TEKT5: variants seen among roughly 807,000 people sequenced by gnomAD.
The protein encoded by TEKT5 is tektin 5, also known as tektin-5.
Under a neutral mutation model 48.7 loss-of-function variants are expected in TEKT5, and 52 were observed. That is an observed-to-expected ratio of 1.07 (90% CI 0.86 to 1.35). The LOEUF (loss-of-function observed/expected upper bound fraction) is 1.35. Among genes scored for constraint, TEKT5 ranks in the 40% most tolerant of loss-of-function variants. The pLI, the probability that TEKT5 is intolerant of heterozygous loss-of-function variation, is 0.00. For missense variants in TEKT5, 831 were observed against 641.6 expected (o/e 1.30, Z -3.19); for synonymous variants, 318 against 267.6 (o/e 1.19, Z -1.84).
rs75363990 is a variant in TEKT5, at chr16:10,689,566, C to A, written c.649-243G>T. Among the ~76,000 whole-genome samples, 2,150 of 146,362 alleles carry A rather than the reference C, an allele frequency of 0.015. 122 individuals carry two copies. The East Asian group carries it at 0.17, about 11-fold the overall frequency. On this transcript the variant is annotated intron_variant, in intron 2 of 6. Transcript: ENST00000283025. ...TTGCCCTACTTTCTTTTTATAGACT[C>A]CCAGAATAAAAGAAAATTTAGCACC...
chr16:10,690,746 C>T (rs1335041624), intron 1 of TEKT5: 1 of 985,242 alleles, frequency 1.0e-6, no homozygotes, highest in African/African-American at 1.7e-5. Context: ...GGACAAGGGG[C>T]TTTTCAGGGG....
chr16:10,646,183 T>A (rs1371248235), intron 5 of TEKT5, among the ~76,000 whole-genome samples: 2 of 152,064 alleles, frequency 1.3e-5, no homozygotes, highest in African/African-American at 4.8e-5. Flanking sequence ...TAAATGGACA[T>A]CCTGTATTTG....
chr16:10,681,353 G>T (rs12445834), intron 4 of TEKT5, among the ~76,000 whole-genome samples: 33,750 of 151,110 alleles, frequency 0.22, 4,561 homozygotes, highest in East Asian at 0.55. Context: ...AAGCCACGTA[G>T]CCTGGCTCCA....
chr16:10,657,363 G>A (rs914206274), intron 5 of TEKT5, among the ~76,000 whole-genome samples: 1 of 151,666 alleles, frequency 6.6e-6, no homozygotes, highest in African/African-American at 2.4e-5. Flanking sequence ...CCCGACCTCA[G>A]GTGATGCACC....
intron 3 of TEKT5, 32 bp from the exon 4 acceptor site, chr16:10,682,168 TGCACCTGCAC>T: frequency 6.2e-7 from 1 of 1,607,356 alleles, no homozygotes; most frequent in African/African-American, 1.3e-5. Context: ...TCCTGGACTA[TGCACCTGCAC>T]AGAGTACCCA....
intron 6 of TEKT5, among the ~76,000 whole-genome samples, chr16:10,631,323 T>G: frequency 8.2e-6 from 1 of 121,898 alleles, no homozygotes; most frequent in Non-Finnish European, 1.6e-5. Context: ...GGCTTGGGTT[T>G]GTTCTCAGTG....
intron 1 of TEKT5, 187 bp from the exon 2 acceptor site, chr16:10,690,212 G>T (rs763283469): frequency 1.7e-6 from 1 of 605,732 alleles, no homozygotes; most frequent in Non-Finnish European, 2.9e-6. Context: ...AGAGCTGTGG[G>T]TTGTCATATG....
At chr16:10,691,047 A>C (rs929266961) in intron 1 of TEKT5, among the ~76,000 whole-genome samples, 1 of 152,214 alleles carries the variant, frequency 6.6e-6, no homozygotes, top group Non-Finnish European at 1.5e-5. Flanking sequence ...CACCCATAAG[A>C]AACTCAGTCA....
intron 4 of TEKT5, among the ~76,000 whole-genome samples, chr16:10,676,604 A>T (rs745398688): frequency 6.6e-6 from 1 of 152,134 alleles, no homozygotes; most frequent in Non-Finnish European, 1.5e-5. Flanking sequence ...CACCACCAGA[A>T]ACACAACGTG....
chr16:10,683,280 G>C (rs1463242917), intron 3 of TEKT5, among the ~76,000 whole-genome samples: 1 of 152,204 alleles, frequency 6.6e-6, no homozygotes, highest in Non-Finnish European at 1.5e-5. Flanking sequence ...TCAGGAACTG[G>C]GTGGAGTCAG....
At chr16:10,635,739 G>A (rs1897902353) in intron 6 of TEKT5, 25 bp downstream of exon 6, 2 of 1,600,122 alleles carry the variant, frequency 1.2e-6, no homozygotes, top group Non-Finnish European at 1.7e-6. Context: ...GGGTTCTCCT[G>A]CCTCCTCTGG....
rs201071864 is a variant in TEKT5, at chr16:10,682,076, C to T, written c.780G>A (p.Gln260=). Residue 260 remains glutamine, a synonymous_variant, in exon 4 of 7, where the codon CAG becomes CAA. Transcript: ENST00000283025. ...ERDLEDKSSA[Q]CIDEKCFNLR... is the part of the protein sequence containing the mutation. Reference sequence around the variant, plus strand: ...GGTTAAAGCACTTCTCATCGATACACTGGGCCGAGCTTTTGTCTTCGAGGT... The same window carrying T: ...GGTTAAAGCACTTCTCATCGATACATTGGGCCGAGCTTTTGTCTTCGAGGT... 2.1e-4 allele frequency: 336 copies of T among 1,614,100 alleles called. No homozygotes were observed. Among genetic ancestry groups the T allele is most frequent in the Non-Finnish European group, 2.8e-4 (329 of 1,180,042 alleles).
chr16:10,680,437 C>T (rs1307012611), intron 4 of TEKT5, among the ~76,000 whole-genome samples: 4 of 147,736 alleles, frequency 2.7e-5, no homozygotes, highest in African/African-American at 7.6e-5. Context: ...ATGTGCCAAG[C>T]ACAATTCTAT....
chr16:10,654,297 C>T (rs1898220782), intron 5 of TEKT5, among the ~76,000 whole-genome samples: 1 of 152,152 alleles, frequency 6.6e-6, no homozygotes, highest in South Asian at 2.1e-4. Context: ...GCAATCCATC[C>T]ACCTCAGCCT....
chr16:10,654,660 C>A (rs565736593), intron 5 of TEKT5, among the ~76,000 whole-genome samples: 2 of 152,072 alleles, frequency 1.3e-5, no homozygotes, highest in Non-Finnish European at 2.9e-5. Flanking sequence ...CAGACTCAGA[C>A]GGAAGCTTAC....
chr16:10,640,980 T>C (rs992323241), intron 5 of TEKT5, among the ~76,000 whole-genome samples: 1 of 152,182 alleles, frequency 6.6e-6, no homozygotes, highest in Non-Finnish European at 1.5e-5. Context: ...TTATTTCTTT[T>C]GGGTAAATGC....
chr16:10,694,724 C>T lies in TEKT5; in HGVS notation c.150G>A (p.Trp50Ter). The change falls in exon 1 of 7, where the codon TGG becomes TGA. Residue 50 changes from tryptophan to a stop codon, truncating the protein, a stop_gained. Coordinates refer to ENST00000283025, the MANE Select transcript of TEKT5 (RefSeq NM_144674.2). LOFTEE classifies it high-confidence loss of function. ...YLPGYRYLNS[W>*]RPSLFYKIAN... is the part of the protein sequence containing the mutation. ...CTATCTTGTAGAAGAGGCTAGGCCT[C>T]CATGAATTGAGGTAGCGGTACCCGG... is the stretch of plus-strand genomic sequence containing the variant. The T allele has an allele frequency of 6.2e-7, 1 of 1,614,066 alleles. No homozygotes were observed. Among genetic ancestry groups the T allele is most frequent in the South Asian group, 1.1e-5 (1 of 91,078 alleles).
chr16:10,690,865 G>C, intron 1 of TEKT5: 3 of 839,922 alleles, frequency 3.6e-6, no homozygotes, highest in Non-Finnish European at 4.3e-6. Context: ...TGGATGTCAG[G>C]ATGCAAATGT....
intron 6 of TEKT5, among the ~76,000 whole-genome samples, chr16:10,633,142 C>G (rs1055535713): frequency 5.3e-5 from 8 of 152,202 alleles, no homozygotes; most frequent in Non-Finnish European, 2.9e-5. Flanking sequence ...GGCTGGATCA[C>G]TTGAGGTTAG....
Sources: allele counts gnomAD v4.1 joint callset (sites outside exome capture counted in the v4.1 genomes callset), GRCh38; gene constraint gnomAD v4.1.1; transcripts MANE v1.5; gene names NCBI Gene and HGNC (gene_info 2026-07-23, HGNC 2026-07-21).